The following RBMXL3 variants were observed in gnomAD, a reference collection of about 807,000 sequenced individuals.
The protein encoded by RBMXL3 is RNA-binding motif protein, X-linked-like-3.
RBMXL3 carries 2 observed loss-of-function variants against 0.8 expected under a neutral mutation model. The ratio of observed to expected loss-of-function variants is 2.54; its 90% CI spans 1.04 to 8.00. The LOEUF (loss-of-function observed/expected upper bound fraction) is 8.00. Ranked by LOEUF, RBMXL3 falls within the 30% of genes most tolerant of loss-of-function variation. The pLI, the probability that RBMXL3 is intolerant of heterozygous loss-of-function variation, is 0.04. For missense variants in RBMXL3, 1,127 were observed against 1,068.0 expected (o/e 1.06, Z -0.77); for synonymous variants, 447 against 449.8 (o/e 0.99, Z 0.08).
In RBMXL3 at chrX:115,190,070, G is replaced by A. The variant is rs782408670; in HGVS notation, c.629G>A (p.Arg210Gln). Residue 210 changes from arginine to glutamine, a missense_variant, in exon 1 of 1, where the codon CGG becomes CAG. Coordinates refer to ENST00000424776, the MANE Select transcript of RBMXL3 (RefSeq NM_001145346.2). ...AGPPHKRAVPRSSLARIGGSG... is the reference protein window; with the variant it reads ...AGPPHKRAVPQSSLARIGGSG... The stretch of plus-strand genomic sequence containing the variant: ...CCACCCCACAAGAGGGCTGTGCCCC[G>A]GTCAAGCCTGGCTCGCATTGGCGGC... 1,123 of 1,152,397 alleles carry A rather than the reference G, an allele frequency of 9.7e-4. 2 individuals are homozygous for A. The highest frequency in any genetic ancestry group is 1.2e-3 in the South Asian group (61 of 51,157). The allele number at this position is 1,152,397 out of a possible 1,213,427, so 95.0% of individuals were successfully genotyped here.
Position 115,191,579 on chromosome X carries a change from G to A in RBMXL3, c.2138G>A (p.Gly713Asp), listed in dbSNP as rs1556559642. 9.2e-7 allele frequency: 1 copy of A among 1,083,703 alleles called. No individual in the cohort carries two copies. Among genetic ancestry groups the A allele is most frequent in the Non-Finnish European group, 1.2e-6 (1 of 817,101 alleles). The allele number at this position is 1,083,703 out of a possible 1,213,427, so 89.3% of individuals were successfully genotyped here. A position where few individuals can be genotyped will look rare whatever the true frequency, so the allele number is the denominator to read the frequency against. ...GGCGGCCGCTACGAGGAGTACCGAGGCCACTCGCTTGATGCCAACAGCGGA... is the reference window on the plus strand; with the variant it reads ...GGCGGCCGCTACGAGGAGTACCGAGACCACTCGCTTGATGCCAACAGCGGA... ...GGGGRYEEYR[G>D]HSLDANSGGR... The change falls in exon 1 of 1, where the codon GGC becomes GAC. Residue 713 changes from glycine to aspartate, a missense_variant. Transcript: ENST00000424776.
chrX:115,192,315 C>G lies in RBMXL3; in HGVS notation c.2874C>G (p.Asp958Glu), dbSNP rs868955350. The change falls in exon 1 of 1, where the codon GAC becomes GAG. Residue 958 changes from aspartate to glutamate, a missense_variant. By Grantham distance (45) the Asp-to-Glu change is conservative. Coordinates refer to ENST00000424776, the MANE Select transcript of RBMXL3 (RefSeq NM_001145346.2). Reference sequence around the variant, plus strand: ...AGGAGTACCGAGGCCCCTCGCCTGACGCCCACAGTGGGGGCCGCGACAGTT... The same window carrying G: ...AGGAGTACCGAGGCCCCTCGCCTGAGGCCCACAGTGGGGGCCGCGACAGTT... ...RYEEYRGPSP[D>E]AHSGGRDSSI... The G allele has an allele frequency of 8.6e-7, 1 of 1,159,841 alleles. No individual in the cohort carries two copies. Among genetic ancestry groups the G allele is most frequent in the East Asian group, 3.3e-5 (1 of 30,587 alleles).
rs372451559 is a variant in RBMXL3, at chrX:115,192,466, G to A, written c.3025G>A (p.Asp1009Asn). Residue 1009 changes from aspartate (D) to asparagine (N), a missense_variant, in exon 1 of 1, where the codon GAC becomes AAC. Asp to Asn is a conservative substitution (Grantham distance 23). Coordinates refer to ENST00000424776, the MANE Select transcript of RBMXL3 (RefSeq NM_001145346.2). ...ATCCAGCAACAGTTACGGCCGGAGC[G>A]ACCGCTACTCGAGGGGTCGAGACCG... ...DRSSNSYGRS[D>N]RYSRGRDRVG... 575 of 1,169,052 alleles carry A rather than the reference G, an allele frequency of 4.9e-4. 5 individuals are homozygous for A. In the African/African-American group the frequency reaches 9.0e-3, roughly 18 times the overall value.
At position 115,190,100 on chromosome X, in the gene RBMXL3, G is replaced by A. The variant is rs1002469427; in HGVS notation, c.659G>A (p.Gly220Glu). ...RSSLARIGGSGMPGKAPAVWG... is the reference protein window; with the variant it reads ...RSSLARIGGSEMPGKAPAVWG... ...AGCCTGGCTCGCATTGGCGGCAGTG[G>A]AATGCCTGGGAAGGCCCCGGCCGTG... Residue 220 changes from glycine (G) to glutamate (E), a missense_variant, in exon 1 of 1, where the codon GGA becomes GAA. Physicochemically the swap from Gly to Glu is moderately conservative, Grantham distance 98. Coordinates refer to ENST00000424776, the MANE Select transcript of RBMXL3 (RefSeq NM_001145346.2). The A allele has an allele frequency of 4.3e-6, 5 of 1,154,123 alleles. No individual in the cohort carries two copies. In the African/African-American group the frequency reaches 7.1e-5, roughly 16 times the overall value.
At position 115,190,108 on chromosome X, in the gene RBMXL3, G is replaced by A. The variant is rs1569515651; in HGVS notation, c.667G>A (p.Gly223Arg). Reference sequence around the variant, plus strand: ...TCGCATTGGCGGCAGTGGAATGCCTGGGAAGGCCCCGGCCGTGTGGGGGCA... The same window carrying A: ...TCGCATTGGCGGCAGTGGAATGCCTAGGAAGGCCCCGGCCGTGTGGGGGCA... Reference protein sequence around the residue: ...LARIGGSGMPGKAPAVWGQDG... With the variant: ...LARIGGSGMPRKAPAVWGQDG... Residue 223 changes from glycine to arginine, a missense_variant, in exon 1 of 1, where the codon GGG becomes AGG. Physicochemically the swap from Gly to Arg is moderately radical, Grantham distance 125 (BLOSUM62 -2). Coordinates refer to ENST00000424776, the MANE Select transcript of RBMXL3 (RefSeq NM_001145346.2). The A allele has an allele frequency of 8.7e-6, 10 of 1,155,608 alleles. No individual in the cohort carries two copies. The highest frequency in any genetic ancestry group is 1.2e-5 in the Non-Finnish European group (10 of 866,437).
rs1556558109 is a variant in RBMXL3, at chrX:115,190,772, G to T, written c.1331G>T (p.Ser444Ile). Residue 444 changes from serine (S) to isoleucine (I), a missense_variant, in exon 1 of 1, where the codon AGC becomes ATC. Physicochemically the swap from Ser to Ile is moderately radical, Grantham distance 142. Coordinates refer to ENST00000424776, the MANE Select transcript of RBMXL3 (RefSeq NM_001145346.2). Reference protein sequence around the residue: ...RSGGRSTDAHSRGRSDDAYSG... With the variant: ...RSGGRSTDAHIRGRSDDAYSG... ...GGGGGCCGCTCCACTGATGCCCACAGCAGGGGCCGGTCCGACGACGCCTAC... is the reference window on the plus strand; with the variant it reads ...GGGGGCCGCTCCACTGATGCCCACATCAGGGGCCGGTCCGACGACGCCTAC... The T allele has an allele frequency of 8.6e-7, 1 of 1,166,722 alleles. No individual in the cohort carries two copies. Among genetic ancestry groups the T allele is most frequent in the Non-Finnish European group, 1.1e-6 (1 of 872,794 alleles).
In RBMXL3 at chrX:115,192,484, C is replaced by A. The variant is rs868912715; in HGVS notation, c.3043C>A (p.Arg1015=). 1 of 1,170,880 alleles carries A rather than the reference C, an allele frequency of 8.5e-7. No homozygotes were observed. Among genetic ancestry groups the A allele is most frequent in the Admixed American group, 2.5e-5 (1 of 39,229 alleles). Residue 1015 remains arginine, a synonymous_variant, in exon 1 of 1, where the codon CGA becomes AGA. Coordinates refer to ENST00000424776, the MANE Select transcript of RBMXL3 (RefSeq NM_001145346.2). ...CCGGAGCGACCGCTACTCGAGGGGT[C>A]GAGACCGGGTAGGCAGACCGGATCG... ...YGRSDRYSRG[R]DRVGRPDRGL...
chrX:115,191,908 G>C lies in RBMXL3; in HGVS notation c.2467G>C (p.Gly823Arg). The C allele has an allele frequency of 8.6e-7, 1 of 1,166,554 alleles. No individual in the cohort carries two copies. Among genetic ancestry groups the C allele is most frequent in the Non-Finnish European group, 1.1e-6 (1 of 872,632 alleles). ...AGGAGGCCGCTACGAGGAGAACCGA[G>C]GTCACTCTCTCGATGCCAACAGCGG... ...RGGGRYEENR[G>R]HSLDANSGGH... Residue 823 changes from glycine to arginine, a missense_variant, in exon 1 of 1, where the codon GGT becomes CGT. Gly to Arg is a moderately radical substitution (Grantham distance 125). Transcript: ENST00000424776.
In RBMXL3 at chrX:115,192,692, A is replaced by G. The variant is rs1349069204; in HGVS notation, c.*47A>G. 3.1e-5 allele frequency: 35 copies of G among 1,118,106 alleles called. No individual in the cohort carries two copies. Among genetic ancestry groups the G allele is most frequent in the Non-Finnish European group, 4.2e-5 (35 of 830,342 alleles). The allele number at this position is 1,118,106 out of a possible 1,213,427, so 92.1% of individuals were successfully genotyped here. On this transcript the variant is annotated 3_prime_UTR_variant, in exon 1 of 1. Transcript: ENST00000424776. ...AAAATTCCTTTTCAAAGAAACAAAA[A>G]GAAGAACCTGTTCTATGTTAACTAC...
rs782385668 is a variant in RBMXL3 at position 115,192,180 on chromosome X, C to T, written c.2739C>T (p.Tyr913=). ...RSDHYGRGGC[Y]EEYQGRSPNA... ...ACCATTACGGAAGAGGAGGCTGCTA[C>T]GAGGAATACCAAGGCCGCTCGCCCA... The change falls in exon 1 of 1, where the codon TAC becomes TAT. Residue 913 remains tyrosine (Y), a synonymous_variant. Coordinates refer to ENST00000424776, the MANE Select transcript of RBMXL3 (RefSeq NM_001145346.2). The T allele has an allele frequency of 1.0e-5, 12 of 1,164,489 alleles. No individual in the cohort carries two copies. The highest frequency in any genetic ancestry group is 2.3e-4 in the Middle Eastern group (1 of 4,302).
rs782818723 is a variant in RBMXL3, at chrX:115,189,807, C to G, written c.366C>G (p.Pro122=). 2 of 1,166,341 alleles carry G rather than the reference C, an allele frequency of 1.7e-6. No homozygotes were observed. The highest frequency in any genetic ancestry group is 2.3e-6 in the Non-Finnish European group (2 of 872,875). The change falls in exon 1 of 1, where the codon CCC becomes CCG. Residue 122 remains proline, a synonymous_variant. Transcript: ENST00000424776. ...RGGGSSPQRP[P]SQGRPDDGRG... ...GTGGCAGCAGCCCACAGCGACCCCC[C>G]TCTCAGGGCAGGCCTGATGACGGCC...
chrX:115,192,723 G>A lies in RBMXL3; in HGVS notation c.*78G>A, dbSNP rs1430968263. On this transcript the variant is annotated 3_prime_UTR_variant, in exon 1 of 1. Transcript: ENST00000424776. ...ACCTGTTCTATGTTAACTACCCAAGGACTAGTATAAGTAGGAGTTGTTTTT... is the reference window on the plus strand; with the variant it reads ...ACCTGTTCTATGTTAACTACCCAAGAACTAGTATAAGTAGGAGTTGTTTTT... 4 of 987,154 alleles carry A rather than the reference G, an allele frequency of 4.1e-6. No individual in the cohort carries two copies. In the African/African-American group the frequency reaches 7.6e-5, roughly 19 times the overall value. 81.4% of individuals were successfully genotyped at this position (987,154 alleles called of 1,213,427 possible). A position where few individuals can be genotyped will look rare whatever the true frequency, so the allele number is the denominator to read the frequency against.
chrX:115,191,774 G>C lies in RBMXL3; in HGVS notation c.2333G>C (p.Arg778Pro). The C allele has an allele frequency of 8.6e-7, 1 of 1,161,080 alleles. No individual in the cohort carries two copies. The highest frequency in any genetic ancestry group is 1.1e-6 in the Non-Finnish European group (1 of 870,347). Residue 778 changes from arginine to proline, a missense_variant, in exon 1 of 1, where the codon CGC (arginine) becomes CCC (proline). Physicochemically the swap from Arg to Pro is moderately radical, Grantham distance 103. Coordinates refer to ENST00000424776, the MANE Select transcript of RBMXL3 (RefSeq NM_001145346.2). ...SRSHRYGGGG[R>P]YEEYRGRSLD... ...AGCCACCGCTACGGAGGAGGAGGCC[G>C]CTACGAGGAGTACCGAGGCCGCTCG...
At position 115,191,874 on chromosome X, in the gene RBMXL3, C is replaced by T. The variant is rs1556560350; in HGVS notation, c.2433C>T (p.Pro811=). Residue 811 remains proline (P), a synonymous_variant, in exon 1 of 1, where the codon CCC becomes CCT. Coordinates refer to ENST00000424776, the MANE Select transcript of RBMXL3 (RefSeq NM_001145346.2). ...GGHNSSSRND[P]CRGGGRYEEN... ...ACAACAGTTCCAGCCGGAACGACCC[C>T]TGCAGAGGAGGAGGCCGCTACGAGG... 3.4e-6 allele frequency: 4 copies of T among 1,166,046 alleles called. No homozygotes were observed.
rs1261233819 is a variant in RBMXL3, at chrX:115,192,809, A to C, written c.*164A>C. ...TATGCTTTTGTGAGGAAAAACTTAA[A>C]ATTAGTTTGAAATTGTTAATGTTTC... On this transcript the variant is annotated 3_prime_UTR_variant, in exon 1 of 1. Transcript: ENST00000424776. 2.0e-5 allele frequency: 10 copies of C among 508,039 alleles called. No individual in the cohort carries two copies. In the African/African-American group the frequency reaches 2.4e-4, roughly 12 times the overall value. The allele number at this position is 508,039 out of a possible 1,213,427, so 41.9% of individuals were successfully genotyped here.
In RBMXL3 at chrX:115,192,288, C is replaced by G. The variant is rs970062912; in HGVS notation, c.2847C>G (p.Tyr949Ter). The G allele has an allele frequency of 1.6e-5, 19 of 1,164,193 alleles. No individual in the cohort carries two copies. The African/African-American group carries it at 2.5e-4, about 16-fold the overall frequency. Residue 949 changes from tyrosine to a stop codon, truncating the protein, a stop_gained, in exon 1 of 1, where the codon TAC becomes TAG. Coordinates refer to ENST00000424776, the MANE Select transcript of RBMXL3 (RefSeq NM_001145346.2). LOFTEE classifies it low-confidence loss of function (END_TRUNC). ...RSHRYGGGGR[Y>*]EEYRGPSPDA... ...ACCGCTACGGAGGAGGAGGCCGCTA[C>G]GAGGAGTACCGAGGCCCCTCGCCTG...
In RBMXL3 at chrX:115,192,440, G is replaced by C; in HGVS notation, c.2999G>C (p.Arg1000Thr). Residue 1000 changes from arginine to threonine, a missense_variant, in exon 1 of 1, where the codon AGA becomes ACA. Coordinates refer to ENST00000424776, the MANE Select transcript of RBMXL3 (RefSeq NM_001145346.2). ...LPDAYSGDHD[R>T]SSNSYGRSDR... ...GACGCCTACAGCGGCGACCACGACA[G>C]ATCCAGCAACAGTTACGGCCGGAGC... 1 of 1,168,430 alleles carries C rather than the reference G, an allele frequency of 8.6e-7. No homozygotes were observed. Among genetic ancestry groups the C allele is most frequent in the Non-Finnish European group, 1.1e-6 (1 of 872,887 alleles).
Position 115,192,360 on chromosome X carries a change from G to C in RBMXL3, c.2919G>C (p.Leu973=), listed in dbSNP as rs2072847047. 9.3e-7 allele frequency: 1 copy of C among 1,079,072 alleles called. No individual in the cohort carries two copies. 88.9% of individuals were successfully genotyped at this position (1,079,072 alleles called of 1,213,427 possible). ...ACAGTTCCATCAAGAGTTACGGCCT[G>C]AGCGACCGCTACGGAGGAGGAGGCC... ...GRDSSIKSYG[L]SDRYGGGGHY... The change falls in exon 1 of 1, where the codon CTG becomes CTC. Residue 973 remains leucine, a synonymous_variant. Transcript: ENST00000424776.
At position 115,190,343 on chromosome X, in the gene RBMXL3, G is replaced by A. The variant is rs782148400; in HGVS notation, c.902G>A (p.Arg301Gln). 5.7e-4 allele frequency: 665 copies of A among 1,159,104 alleles called. 1 individual carries two copies. Among genetic ancestry groups the A allele is most frequent in the South Asian group, 5.7e-3 (294 of 51,564 alleles). The stretch of plus-strand genomic sequence containing the variant: ...GATCATCCCAGCAAAGGCTCCTACC[G>A]AGAGCCCCTCAAGAGCTACGGAGGC... ...YTDHPSKGSY[R>Q]EPLKSYGGPC... The change falls in exon 1 of 1, where the codon CGA (arginine) becomes CAA (glutamine). Residue 301 changes from arginine to glutamine, a missense_variant. Arg to Gln is a conservative substitution (Grantham distance 43, BLOSUM62 1). Transcript: ENST00000424776.
Sources: gnomAD v4.1 joint callset for allele counts on GRCh38, gnomAD v4.1.1 for gene constraint, MANE v1.5 for transcripts, NCBI Gene and HGNC (gene_info 2026-07-23, HGNC 2026-07-21) for gene names.